RBFOX1: variants seen among roughly 807,000 people sequenced by gnomAD.
The protein encoded by RBFOX1 is RNA binding fox-1 homolog 1.
RBFOX1 carries 8 observed loss-of-function variants against 57.7 expected under a neutral mutation model. That is an observed-to-expected ratio of 0.14 (90% confidence interval 0.08 to 0.25). The LOEUF (loss-of-function observed/expected upper bound fraction) is 0.25. Ranked by LOEUF, RBFOX1 falls within the 10% of genes least tolerant of loss-of-function variation. The pLI, the probability that RBFOX1 is intolerant of heterozygous loss-of-function variation, is 1.00. For missense variants in RBFOX1, 611 were observed against 548.5 expected (o/e 1.11, Z -1.14); for synonymous variants, 326 against 222.4 (o/e 1.47, Z -4.15).
At chr16:6,648,366 G>A (rs1251620828) in intron 2 of RBFOX1, among the ~76,000 whole-genome samples, 2 of 148,020 alleles carry the variant, frequency 1.4e-5, no homozygotes, top group East Asian at 3.9e-4. Flanking sequence ...TGGCTCCCAG[G>A]GGCATCGTAC....
At chr16:7,054,179 A>G (rs548253658) in intron 4 of RBFOX1, among the ~76,000 whole-genome samples, 4 of 111,872 alleles carry the variant, frequency 3.6e-5, no homozygotes, top group African/African-American at 7.3e-5. Flanking sequence ...TCACCTCAAA[A>G]GAAAACTTCC....
chr16:5,919,658 G>T lies in RBFOX1; in HGVS notation c.351+52323G>T, dbSNP rs534402320. On this transcript the variant is annotated intron_variant, in intron 4 of 19. Coordinates refer to the RBFOX1 transcript ENST00000641259. ...AATATAAAGTTAACCATTTTAAAGC[G>T]TATAATTCCATGGTATTTAGTGCAT... 9.2e-5 allele frequency among the ~76,000 whole-genome samples: 14 copies of T among 152,100 alleles called. No individual in the cohort carries two copies. In the East Asian group the frequency reaches 2.7e-3, roughly 30 times the overall value.
intron 1 of RBFOX1, among the ~76,000 whole-genome samples, chr16:5,386,049 G>A (rs938128623): frequency 4.0e-5 from 6 of 151,640 alleles, no homozygotes; most frequent in Non-Finnish European, 5.9e-5. Context: ...GGAAGGGACT[G>A]TGTTTGCCAA....
At chr16:6,257,699 T>A (rs961720735) in intron 1 of RBFOX1, among the ~76,000 whole-genome samples, 4 of 152,192 alleles carry the variant, frequency 2.6e-5, no homozygotes, top group African/African-American at 9.6e-5. Context: ...CCTGCATTAG[T>A]TGGTTAAGGA....
chr16:5,548,841 T>A (rs1035695696), intron 2 of RBFOX1, among the ~76,000 whole-genome samples: 5 of 152,028 alleles, frequency 3.3e-5, no homozygotes, highest in African/African-American at 1.2e-4. Flanking sequence ...ATTCCATGGA[T>A]GAAGTGAGAG....
chr16:7,233,098 G>A (rs2093593448), intron 4 of RBFOX1, among the ~76,000 whole-genome samples: 1 of 151,944 alleles, frequency 6.6e-6, no homozygotes, highest in African/African-American at 2.4e-5. Flanking sequence ...ATCTCACAAT[G>A]TACATAGGAT....
At chr16:7,002,513 A>C (rs1238243627) in intron 3 of RBFOX1, among the ~76,000 whole-genome samples, 1 of 152,118 alleles carries the variant, frequency 6.6e-6, no homozygotes, top group African/African-American at 2.4e-5. Flanking sequence ...GGAGTTGGAG[A>C]CCAGCCTGGC....
chr16:5,700,120 C>A (rs545289489), intron 3 of RBFOX1, among the ~76,000 whole-genome samples: 3 of 152,306 alleles, frequency 2.0e-5, no homozygotes, highest in African/African-American at 4.8e-5. Context: ...GCGTGAGCCA[C>A]CATGCCTGGC....
rs761790895 is a variant in RBFOX1, at chr16:7,225,907, T to TAAATAC, written c.27+173810_27+173811insAATACA. Among the ~76,000 whole-genome samples, 5 of 131,192 alleles carry TAAATAC rather than the reference T, an allele frequency of 3.8e-5. 1 individual carries two copies. Among genetic ancestry groups the TAAATAC allele is most frequent in the African/African-American group, 1.3e-4 (4 of 30,426 alleles). The allele number at this position is 131,192 out of a possible 152,430, so 86.1% of individuals were successfully genotyped here. On this transcript the variant is annotated intron_variant, in intron 4 of 15. Transcript: ENST00000550418. ...ACCCTAGAACTTAAAGTATAATAAA[T>TAAATAC]ATATATATATATAAATGTGAATGTC...
intron 10 of RBFOX1, among the ~76,000 whole-genome samples, chr16:7,621,103 A>C (rs1232294938): frequency 2.0e-5 from 3 of 152,262 alleles, no homozygotes; most frequent in Middle Eastern, 6.8e-3. Flanking sequence ...TTCAGAGCAT[A>C]GTAGAGTTTG....
chr16:5,431,597 A>G (rs186815519), intron 1 of RBFOX1, among the ~76,000 whole-genome samples: 248 of 151,780 alleles, frequency 1.6e-3, no homozygotes, highest in African/African-American at 5.1e-3. Context: ...CTGGTCTCGA[A>G]CTCCTGACCT....
intron 3 of RBFOX1, among the ~76,000 whole-genome samples, chr16:6,997,337 G>T (rs1014343461): frequency 6.6e-6 from 1 of 152,130 alleles, no homozygotes; most frequent in Non-Finnish European, 1.5e-5. Flanking sequence ...GTATGAAGTG[G>T]CATCAGCAAA....
intron 10 of RBFOX1, among the ~76,000 whole-genome samples, chr16:7,628,041 G>T (rs2060350531): frequency 6.6e-6 from 1 of 151,968 alleles, no homozygotes; most frequent in Non-Finnish European, 1.5e-5. Context: ...AGCTTTCCAG[G>T]CAAAAATCTG....
intron 4 of RBFOX1, among the ~76,000 whole-genome samples, chr16:5,910,878 G>C (rs1176293486): frequency 6.6e-6 from 1 of 152,148 alleles, no homozygotes; most frequent in Non-Finnish European, 1.5e-5. Flanking sequence ...ATGGAAGCTG[G>C]TGTACAAACA....
At chr16:6,116,722 A>AT (rs1160186863) in intron 1 of RBFOX1, among the ~76,000 whole-genome samples, 1 of 152,134 alleles carries the variant, frequency 6.6e-6, no homozygotes, top group African/African-American at 2.4e-5. Context: ...GCTTCTTGTT[A>AT]TTTGCAAGTA....
chr16:6,174,594 C>G (rs1011024044), intron 1 of RBFOX1, among the ~76,000 whole-genome samples: 1 of 150,748 alleles, frequency 6.6e-6, no homozygotes, highest in Non-Finnish European at 1.5e-5. Context: ...GAGCCTATCT[C>G]CAAAAAATAA....
intron 2 of RBFOX1, among the ~76,000 whole-genome samples, chr16:6,498,926 C>A (rs976430962): frequency 2.0e-5 from 3 of 152,132 alleles, no homozygotes; most frequent in African/African-American, 7.2e-5. Flanking sequence ...CGGCAAGTAG[C>A]AGTATGCCTT....
chr16:5,432,759 T>G (rs890434271), intron 1 of RBFOX1, among the ~76,000 whole-genome samples: 2 of 152,072 alleles, frequency 1.3e-5, no homozygotes, highest in African/African-American at 2.4e-5. Flanking sequence ...TCCCACAGAT[T>G]AATGAGGCCC....
chr16:6,725,119 C>T (rs892766087), intron 3 of RBFOX1, among the ~76,000 whole-genome samples: 6 of 141,344 alleles, frequency 4.2e-5, no homozygotes, highest in Non-Finnish European at 7.5e-5. Context: ...GGTGCGATCT[C>T]GGCTCACTGC....
Sources: gnomAD v4.1 joint callset for allele counts (sites outside exome capture counted in the v4.1 genomes callset) on GRCh38, gnomAD v4.1.1 for gene constraint, MANE v1.5 for transcripts, NCBI Gene and HGNC (gene_info 2026-07-23, HGNC 2026-07-21) for gene names.